SPTBN4: variants seen among roughly 807,000 people sequenced by gnomAD.
The protein encoded by SPTBN4 is spectrin beta, non-erythrocytic 4.
A neutral mutation model predicts 277.8 loss-of-function variants in SPTBN4; 96 were observed. The ratio of observed to expected loss-of-function variants is 0.35; its 90% CI spans 0.29 to 0.41. SPTBN4 has a LOEUF of 0.41. Among genes scored for constraint, SPTBN4 ranks in the 10% least tolerant of loss-of-function variants. SPTBN4 has a pLI of 1.00. For missense variants in SPTBN4, 3,006 were observed against 3,595.7 expected (o/e 0.84, Z 4.19); for synonymous variants, 1,481 against 1,580.3 (o/e 0.94, Z 1.49).
At chr19:40,523,684 G>A in intron 17 of SPTBN4, 45 bp downstream of exon 17, 1 of 1,555,912 alleles carries the variant, frequency 6.4e-7, no homozygotes, top group South Asian at 1.2e-5. Flanking sequence ...GGCAGAAGAT[G>A]GGGCCCAGCA....
At chr19:40,546,028 C>T (rs527478458) in intron 20 of SPTBN4, among the ~76,000 whole-genome samples, 26 of 136,810 alleles carry the variant, frequency 1.9e-4, no homozygotes, top group Non-Finnish European at 3.2e-4. Flanking sequence ...CCAGCCTGGG[C>T]GAAAGAGCGA....
At chr19:40,562,103 G>A (rs2081048427) in intron 27 of SPTBN4, among the ~76,000 whole-genome samples, 1 of 152,118 alleles carries the variant, frequency 6.6e-6, no homozygotes, top group African/African-American at 2.4e-5. Context: ...GGGAGTGTAG[G>A]GTGAGAGGAA....
intron 18 of SPTBN4, among the ~76,000 whole-genome samples, chr19:40,530,064 G>A (rs1332304086): frequency 1.3e-5 from 2 of 151,938 alleles, no homozygotes; most frequent in Middle Eastern, 3.2e-3. Context: ...GGAACCCCCT[G>A]TTCCCCCTCG....
intron 27 of SPTBN4, among the ~76,000 whole-genome samples, chr19:40,562,322 G>A (rs112757297): frequency 1.8e-4 from 27 of 152,156 alleles, no homozygotes; most frequent in African/African-American, 6.3e-4. Flanking sequence ...TTGAGGACAG[G>A]ACTTTGAGAC....
At chr19:40,569,936 CCACACACACACACACACACACA>C (rs60074818) in intron 32 of SPTBN4, among the ~76,000 whole-genome samples, 4 of 131,468 alleles carry the variant, frequency 3.0e-5, no homozygotes, top group East Asian at 2.2e-4. Context: ...TACTGCCCCT[CCACACACACACACACACACACA>C]CACACACACA....
In SPTBN4 at chr19:40,502,804, T is replaced by C; in HGVS notation, c.1233T>C (p.His411=). The C allele has an allele frequency of 6.2e-7, 1 of 1,613,924 alleles. No homozygotes were observed. The highest frequency in any genetic ancestry group is 8.5e-7 in the Non-Finnish European group (1 of 1,180,004). Reference sequence around the variant, plus strand: ...GGGGTGAGCTGGAGAAGGCTGAGCATGAGCGGGAGGCTGCCCTACGGGCTG... The same window carrying C: ...GGGGTGAGCTGGAGAAGGCTGAGCACGAGCGGGAGGCTGCCCTACGGGCTG... ...KAWGELEKAE[H]EREAALRAEL... Residue 411 remains histidine (H), a synonymous_variant, in exon 11 of 36, where the codon CAT becomes CAC. Coordinates refer to ENST00000598249, the MANE Select transcript of SPTBN4 (RefSeq NM_020971.3). This position sits in a 1 kb window ranked among gnomAD's most constrained non-coding sequence, Gnocchi z 4.9.
At chr19:40,556,019 G>A (rs1240732813) in intron 24 of SPTBN4, 65 bp from the exon 25 acceptor site, 2 of 1,448,956 alleles carry the variant, frequency 1.4e-6, no homozygotes, top group Non-Finnish European at 1.9e-6. Flanking sequence ...AGGGGGTTTA[G>A]GGGGGTCACG....
rs2080947323 is a variant in SPTBN4, at chr19:40,554,063, G to A, written c.4675-84G>A. ...GTGCTTGTTAATTGCCCCGTGGGCC[G>A]TGCCAGTAGCAGAGGAGCGTGTGGT... On this transcript the variant is annotated intron_variant, in intron 22 of 35. Coordinates refer to ENST00000598249, the MANE Select transcript of SPTBN4 (RefSeq NM_020971.3). The surrounding 1 kb of genome is among the most constrained non-coding windows in gnomAD (Gnocchi z 5.7). The A allele has an allele frequency of 5.3e-6, 7 of 1,330,998 alleles. No individual in the cohort carries two copies. Among genetic ancestry groups the A allele is most frequent in the Admixed American group, 3.7e-5 (1 of 27,128 alleles). 82.4% of individuals were successfully genotyped at this position (1,330,998 alleles called of 1,614,324 possible).
At chr19:40,532,858 C>T in intron 19 of SPTBN4, 87 bp downstream of exon 19, 1 of 1,464,104 alleles carries the variant, frequency 6.8e-7, no homozygotes. Flanking sequence ...CCGCTGCTGC[C>T]ATCCTGCTGG....
chr19:40,566,499 C>T, intron 30 of SPTBN4, 140 bp downstream of exon 30: 1 of 737,362 alleles, frequency 1.4e-6, no homozygotes, highest in African/African-American at 1.8e-5. Context: ...TTGCTAGGCT[C>T]CCAGTGGAGC....
chr19:40,558,335 C>T (rs1356297196), intron 26 of SPTBN4, among the ~76,000 whole-genome samples: 8 of 149,312 alleles, frequency 5.4e-5, no homozygotes, highest in African/African-American at 1.7e-4. Context: ...CCAGCCTGGG[C>T]GACAGAGTGA....
chr19:40,508,900 T>C (rs2080359113), intron 13 of SPTBN4, among the ~76,000 whole-genome samples: 1 of 151,954 alleles, frequency 6.6e-6, no homozygotes, highest in South Asian at 2.1e-4. Context: ...CAGCTGTCAT[T>C]CATCTGAGCC....
At chr19:40,477,185 A>T (rs899796787) in intron 2 of SPTBN4, among the ~76,000 whole-genome samples, 3 of 151,882 alleles carry the variant, frequency 2.0e-5, no homozygotes, top group Admixed American at 2.0e-4. Flanking sequence ...GACTACAGGC[A>T]TGCACCATCA....
intron 18 of SPTBN4, among the ~76,000 whole-genome samples, chr19:40,530,038 G>A (rs763899120): frequency 7.2e-5 from 11 of 152,084 alleles, no homozygotes; most frequent in Non-Finnish European, 1.5e-4. Context: ...GGTAGGCCGG[G>A]ACTTGAGCCA....
At chr19:40,516,711 C>A (rs971255729) in intron 15 of SPTBN4, among the ~76,000 whole-genome samples, 9 of 152,162 alleles carry the variant, frequency 5.9e-5, no homozygotes, top group African/African-American at 2.2e-4. Flanking sequence ...GTAGTCCTAG[C>A]TACTCAGGAG....
intron 3 of SPTBN4, among the ~76,000 whole-genome samples, chr19:40,488,235 G>A (rs1252179908): frequency 6.6e-6 from 1 of 151,938 alleles, no homozygotes; most frequent in African/African-American, 2.4e-5. Context: ...GGGCAGAACT[G>A]TATTGCGGGT....
At position 40,565,663 on chromosome 19, in the gene SPTBN4, C is replaced by A; in HGVS notation, c.6057C>A (p.Ile2019=). 4 of 1,556,868 alleles carry A rather than the reference C, an allele frequency of 2.6e-6. No individual in the cohort carries two copies. The highest frequency in any genetic ancestry group is 3.5e-6 in the Non-Finnish European group (4 of 1,149,672). Residue 2019 remains isoleucine, a splice_region_variant and synonymous_variant, in exon 29 of 36, where the codon ATC becomes ATA. Transcript: ENST00000598249. ...LLNKSAMADE[I]QAQLDKLGTR... ...TCCCACCCACCTGCCACTCCCAGAT[C>A]CAGGCACAGCTGGACAAGCTGGGAA...
chr19:40,487,547 T>C (rs973397119), intron 2 of SPTBN4, 150 bp from the exon 3 acceptor site: 11 of 937,722 alleles, frequency 1.2e-5, no homozygotes, highest in African/African-American at 1.7e-5. Context: ...GGTTTCACCA[T>C]GTTGGCCAGG....
At position 40,554,501 on chromosome 19, in the gene SPTBN4, G is replaced by A. The variant is rs770220455; in HGVS notation, c.4954-15G>A. ...CCGCCGCTGCCGCCTCATCGTGGGC[G>A]CTTTGTGCCCCCAGGACGAACAGAG... On this transcript the variant is annotated splice_polypyrimidine_tract_variant and intron_variant, in intron 23 of 35. Coordinates refer to ENST00000598249, the MANE Select transcript of SPTBN4 (RefSeq NM_020971.3). This position sits in a 1 kb window ranked among gnomAD's most constrained non-coding sequence, Gnocchi z 5.7. The A allele has an allele frequency of 2.7e-6, 4 of 1,480,146 alleles. No homozygotes were observed. Among genetic ancestry groups the A allele is most frequent in the Non-Finnish European group, 3.6e-6 (4 of 1,111,730 alleles). The allele number at this position is 1,480,146 out of a possible 1,614,324, so 91.7% of individuals were successfully genotyped here. A position where few individuals can be genotyped will look rare whatever the true frequency, so the allele number is the denominator to read the frequency against.
Sources: allele counts gnomAD v4.1 joint callset (sites outside exome capture counted in the v4.1 genomes callset), GRCh38; gene constraint gnomAD v4.1.1; non-coding constraint Gnocchi (gnomAD v3.1); transcripts MANE v1.5; gene names NCBI Gene and HGNC (gene_info 2026-07-23, HGNC 2026-07-21).